Variants in MRPL21 observed in about 807,000 individuals in gnomAD.
The protein encoded by MRPL21 is large ribosomal subunit protein bL21m.
In MRPL21, 20 loss-of-function variants were observed where a neutral mutation model predicts 27.3. The observed-to-expected ratio is 0.73, with a 90% CI of 0.52 to 1.06. The LOEUF is 1.06. Among genes scored for constraint, MRPL21 ranks in the 50% least tolerant of loss-of-function variants. The pLI is 0.00. For missense variants in MRPL21, 249 were observed against 251.4 expected (o/e 0.99, Z 0.06); for synonymous variants, 98 against 101.5 (o/e 0.97, Z 0.21).
chr11:68,903,251 C>A (rs548629112), intron 1 of MRPL21, among the ~76,000 whole-genome samples: 35 of 152,320 alleles, frequency 2.3e-4, no homozygotes, highest in African/African-American at 7.9e-4. Flanking sequence ...ACGGACATAA[C>A]CTTTTTGGAG....
intron 4 of MRPL21, 75 bp downstream of exon 4, chr11:68,896,440 G>A (rs764036906): frequency 6.4e-5 from 99 of 1,549,488 alleles, no homozygotes; most frequent in Non-Finnish European, 7.4e-5. Flanking sequence ...TCCCTCCTCC[G>A]TGTGAGCTGG....
At position 68,897,313 on chromosome 11, in the gene MRPL21, G is replaced by A. The variant is rs140686329; in HGVS notation, c.232+614C>T. Among the ~76,000 whole-genome samples, 34 of 152,260 alleles carry A rather than the reference G, an allele frequency of 2.2e-4. No homozygotes were observed. In the East Asian group the frequency reaches 6.4e-3, roughly 29 times the overall value. ...CCGACCCCCCGGCCTGACCGAGGGCGAGACACACAGAAGGGACGACAGAGT... is the reference window on the plus strand; with the variant it reads ...CCGACCCCCCGGCCTGACCGAGGGCAAGACACACAGAAGGGACGACAGAGT... On this transcript the variant is annotated intron_variant, in intron 3 of 6. Transcript: ENST00000362034.
chr11:68,897,651 C>A, intron 3 of MRPL21: 1 of 516,012 alleles, frequency 1.9e-6, no homozygotes, highest in Non-Finnish European at 3.5e-6. Context: ...GTCGCTGCAC[C>A]CACCAACAGA....
chr11:68,899,628 GAGA>G (rs1259117010), intron 2 of MRPL21, among the ~76,000 whole-genome samples: 2 of 152,368 alleles, frequency 1.3e-5, no homozygotes, highest in South Asian at 2.1e-4. Flanking sequence ...TGCCCAGTGT[GAGA>G]AGAACACGCT....
At chr11:68,895,590 C>T (rs995318376) in intron 4 of MRPL21, among the ~76,000 whole-genome samples, 1 of 152,158 alleles carries the variant, frequency 6.6e-6, no homozygotes, top group African/African-American at 2.4e-5. Flanking sequence ...GTGGGGGTTG[C>T]AGTGAGCCAA....
chr11:68,897,957 C>A lies in MRPL21; in HGVS notation c.202G>T (p.Asp68Tyr), dbSNP rs747939629. ...TGGTGTCTGGTCTCCTCAACTGGGT[C>A]TGGCAGAACAACTTCTGGCCAAGGT... ...SPPWPEVVLP[D>Y]PVEETRHHAE... is the part of the protein sequence containing the mutation. Residue 68 changes from aspartate to tyrosine, a missense_variant, in exon 3 of 7, where the codon GAC becomes TAC. By Grantham distance (160) the Asp-to-Tyr change is radical. Coordinates refer to ENST00000362034, the MANE Select transcript of MRPL21 (RefSeq NM_181514.2). The A allele has an allele frequency of 3.1e-6, 5 of 1,614,162 alleles. No individual in the cohort carries two copies. Among genetic ancestry groups the A allele is most frequent in the Non-Finnish European group, 4.2e-6 (5 of 1,180,018 alleles).
At chr11:68,897,199 C>T (rs193259552) in intron 3 of MRPL21, among the ~76,000 whole-genome samples, 52 of 152,294 alleles carry the variant, frequency 3.4e-4, no homozygotes, top group Admixed American at 1.3e-3. Flanking sequence ...AGAGGGGCTC[C>T]GTGCTCAGTT....
intron 4 of MRPL21, 33 bp downstream of exon 4, chr11:68,896,482 C>A: frequency 6.2e-7 from 1 of 1,610,584 alleles, no homozygotes; most frequent in Non-Finnish European, 8.5e-7. Flanking sequence ...GTGGCTGAGT[C>A]CCTGAATATC....
intron 1 of MRPL21, among the ~76,000 whole-genome samples, chr11:68,902,118 ACTTCCATCACGT>A (rs1196085041): frequency 6.6e-6 from 1 of 152,146 alleles, no homozygotes; most frequent in Non-Finnish European, 1.5e-5. Flanking sequence ...GTGACTGTGT[ACTTCCATCACGT>A]CTCCTTTGCT....
At chr11:68,901,524 T>G (rs996213460) in intron 1 of MRPL21, among the ~76,000 whole-genome samples, 7 of 152,284 alleles carry the variant, frequency 4.6e-5, no homozygotes, top group Admixed American at 1.3e-4. Context: ...TCAGCTATAA[T>G]TTACACACCA....
At chr11:68,892,707 G>A (rs1349405499) in intron 6 of MRPL21, 183 bp downstream of exon 6, 2 of 1,529,326 alleles carry the variant, frequency 1.3e-6, no homozygotes, top group East Asian at 2.5e-5. Flanking sequence ...AGGAGAAGGG[G>A]AGCGAGGCTG....
At chr11:68,902,241 T>C (rs765060980) in intron 1 of MRPL21, among the ~76,000 whole-genome samples, 5 of 152,214 alleles carry the variant, frequency 3.3e-5, no homozygotes, top group Non-Finnish European at 7.3e-5. Flanking sequence ...TACTTGAACA[T>C]AGCATTGGAG....
rs376576401 is a variant in MRPL21 at position 68,900,577 on chromosome 11, G to C, written c.117C>G (p.Phe39Leu). 5 of 1,613,782 alleles carry C rather than the reference G, an allele frequency of 3.1e-6. No homozygotes were observed. In the East Asian group the frequency reaches 1.1e-4, roughly 36 times the overall value. ...AASLWSASRR[F>L]NSQSTSYLPG... ...GTAGATATGAAGTGCTCTGTGAATT[G>C]AACCTTCGAGAAGCAGACCAAAGGG... is the stretch of plus-strand genomic sequence containing the variant. Residue 39 changes from phenylalanine (F) to leucine (L), a missense_variant, in exon 2 of 7, where the codon TTC (phenylalanine) becomes TTG (leucine). Phe to Leu is a conservative substitution (Grantham distance 22). Coordinates refer to ENST00000362034, the MANE Select transcript of MRPL21 (RefSeq NM_181514.2).
chr11:68,892,078 G>GC, intron 6 of MRPL21: 5 of 1,297,780 alleles, frequency 3.9e-6, no homozygotes, highest in Admixed American at 7.2e-5. Flanking sequence ...GGGGAGCGAG[G>GC]TGGGGTCACG....
At chr11:68,893,597 T>C in intron 4 of MRPL21, 142 bp from the exon 5 acceptor site, 3 of 1,151,688 alleles carry the variant, frequency 2.6e-6, no homozygotes, top group Admixed American at 4.2e-5. Flanking sequence ...TGCTGTCTAA[T>C]GATCTCTTTA....
chr11:68,898,036 A>G, intron 2 of MRPL21, 24 bp from the exon 3 acceptor site: 1 of 1,590,050 alleles, frequency 6.3e-7, no homozygotes, highest in Non-Finnish European at 8.6e-7. Flanking sequence ...TTCGTAGACA[A>G]ATGTCACAAG....
At chr11:68,895,572 C>T (rs370661285) in intron 4 of MRPL21, among the ~76,000 whole-genome samples, 6 of 152,296 alleles carry the variant, frequency 3.9e-5, no homozygotes, top group African/African-American at 1.4e-4. Flanking sequence ...ATCACTTGAA[C>T]CCAGGAGGTG....
At chr11:68,896,758 G>T (rs114582339) in intron 3 of MRPL21, 80 bp from the exon 4 acceptor site, 61 of 1,573,672 alleles carry the variant, frequency 3.9e-5, no homozygotes, top group Admixed American at 2.0e-4. Context: ...AGCTCCTGGT[G>T]GTGGGGCCCT....
At chr11:68,893,243 A>G in intron 5 of MRPL21, 160 bp downstream of exon 5, 1 of 1,452,030 alleles carries the variant, frequency 6.9e-7, no homozygotes, top group Non-Finnish European at 9.1e-7. Context: ...GGATGTTCTC[A>G]TGGGCCCTAA....
Sources: gnomAD v4.1 joint callset for allele counts (sites outside exome capture counted in the v4.1 genomes callset) on GRCh38, gnomAD v4.1.1 for gene constraint, MANE v1.5 for transcripts, NCBI Gene and HGNC (gene_info 2026-07-23, HGNC 2026-07-21) for gene names.